The following DMGDH variants were observed in gnomAD, a reference collection of about 807,000 sequenced individuals.
The protein encoded by DMGDH is dimethylglycine dehydrogenase.
A neutral mutation model predicts 95.2 loss-of-function variants in DMGDH; 76 were observed. That is an observed-to-expected ratio of 0.80 (90% CI 0.66 to 0.97). DMGDH has a LOEUF of 0.97. DMGDH is among the 50% of genes least tolerant of loss of function. The pLI is 0.00. For synonymous variants in DMGDH, 345 were observed against 377.6 expected, an observed-to-expected ratio of 0.91 and a Z score of 1.00; for missense variants, 987 against 1,055.0, an observed-to-expected ratio of 0.94 and a Z score of 0.89.
intron 7 of DMGDH, among the ~76,000 whole-genome samples, chr5:79,035,882 A>G (rs1451373081): frequency 6.6e-6 from 1 of 152,230 alleles, no homozygotes; most frequent in African/African-American, 2.4e-5. Flanking sequence ...TGTAAAACCA[A>G]TCCCTTTTCT....
At chr5:79,048,018 T>C (rs893034202) in intron 5 of DMGDH, among the ~76,000 whole-genome samples, 4 of 152,188 alleles carry the variant, frequency 2.6e-5, no homozygotes, top group Non-Finnish European at 5.9e-5. Context: ...TGCTAGTAAA[T>C]TGGAAAAGAA....
intron 14 of DMGDH, among the ~76,000 whole-genome samples, chr5:79,020,389 T>C (rs898257990): frequency 3.9e-5 from 6 of 152,236 alleles, no homozygotes; most frequent in East Asian, 3.8e-4. Flanking sequence ...CCAAAGAGAA[T>C]TGGATGCTTT....
At chr5:79,037,623 G>T (rs1181951570) in intron 7 of DMGDH, among the ~76,000 whole-genome samples, 1 of 152,088 alleles carries the variant, frequency 6.6e-6, no homozygotes, top group Non-Finnish European at 1.5e-5. Context: ...GAGCAATCAG[G>T]GGAGGAGTCT....
At chr5:79,003,146 G>A (rs1288149744) in intron 15 of DMGDH, among the ~76,000 whole-genome samples, 4 of 152,210 alleles carry the variant, frequency 2.6e-5, no homozygotes, top group Non-Finnish European at 4.4e-5. Context: ...CAGAAGGTTG[G>A]TGGAAGGGTA....
In DMGDH at chr5:79,032,809, C is replaced by T. The variant is rs774921876; in HGVS notation, c.1395G>A (p.Gly465=). 1 of 1,614,146 alleles carries T rather than the reference C, an allele frequency of 6.2e-7. No individual in the cohort carries two copies. The highest frequency in any genetic ancestry group is 8.5e-7 in the Non-Finnish European group (1 of 1,180,030). ...VGYPKEERFA[G]RPTQRVSGLY... is the part of the protein sequence containing the mutation. ...GCCCACTGACTCGTTGAGTCGGCCT[C>T]CCAGCAAACCGTTCTTCTTTAGGAT... Residue 465 remains glycine, a synonymous_variant, in exon 9 of 16, where the codon GGG becomes GGA. Coordinates refer to ENST00000255189, the MANE Select transcript of DMGDH (RefSeq NM_013391.3).
chr5:79,032,977 C>T, intron 8 of DMGDH, 137 bp from the exon 9 acceptor site: 3 of 1,139,886 alleles, frequency 2.6e-6, no homozygotes, highest in Non-Finnish European at 3.9e-6. Context: ...ATGAATGATT[C>T]ATGTAGAAAA....
At chr5:79,006,853 A>G (rs1673137) in intron 14 of DMGDH, among the ~76,000 whole-genome samples, 62,643 of 148,510 alleles carry the variant, frequency 0.42, 13,848 homozygotes, top group Admixed American at 0.48. Flanking sequence ...AGACCCCCCC[A>G]GTCCATTCCT....
At chr5:78,999,624 C>T (rs755482519) in intron 15 of DMGDH, among the ~76,000 whole-genome samples, 26 of 152,218 alleles carry the variant, frequency 1.7e-4, no homozygotes, top group African/African-American at 4.1e-4. Context: ...TGAGCCACCA[C>T]GCCCGGCTGT....
intron 15 of DMGDH, among the ~76,000 whole-genome samples, chr5:78,999,041 C>T (rs866261485): frequency 3.3e-5 from 5 of 152,178 alleles, no homozygotes; most frequent in South Asian, 2.1e-4. Context: ...CTCAAAATGG[C>T]TTCTCCTGGC....
intron 5 of DMGDH, among the ~76,000 whole-genome samples, chr5:79,048,167 C>A (rs187239716): frequency 7.9e-5 from 12 of 151,928 alleles, no homozygotes; most frequent in Admixed American, 7.9e-4. Flanking sequence ...TTACTGCTTT[C>A]TACCTGGTGA....
Position 79,033,452 on chromosome 5 carries a change from T to C in DMGDH, c.1194-44A>G, listed in dbSNP as rs746522071. On this transcript the variant is annotated intron_variant, in intron 7 of 15. Coordinates refer to ENST00000255189, the MANE Select transcript of DMGDH (RefSeq NM_013391.3). ...GAAAACCCATTACTAACACATGTAG[T>C]TTTCAAATGAAACATAATCAAACTA... is the stretch of plus-strand genomic sequence containing the variant. The C allele has an allele frequency of 3.1e-6, 5 of 1,608,302 alleles. No individual in the cohort carries two copies. In the African/African-American group the frequency reaches 6.7e-5, roughly 21 times the overall value.
chr5:79,039,284 A>G (rs1754434644), intron 7 of DMGDH, among the ~76,000 whole-genome samples: 1 of 152,146 alleles, frequency 6.6e-6, no homozygotes, highest in African/African-American at 2.4e-5. Context: ...CACTATTCAC[A>G]ATAGCAAAGA....
intron 5 of DMGDH, among the ~76,000 whole-genome samples, chr5:79,048,207 C>T (rs1754736243): frequency 6.6e-6 from 1 of 151,968 alleles, no homozygotes. Flanking sequence ...ACATTATTAG[C>T]TTATTTACTA....
intron 2 of DMGDH, among the ~76,000 whole-genome samples, chr5:79,059,888 T>C (rs1168903640): frequency 1.3e-5 from 2 of 152,204 alleles, no homozygotes; most frequent in Non-Finnish European, 2.9e-5. Flanking sequence ...CTGTATGTAA[T>C]ACAACACTCC....
intron 15 of DMGDH, among the ~76,000 whole-genome samples, chr5:79,003,055 C>T (rs1215503797): frequency 6.6e-6 from 1 of 152,148 alleles, no homozygotes; most frequent in Non-Finnish European, 1.5e-5. Flanking sequence ...TTTAAGGTGG[C>T]TAAAAATCAG....
intron 10 of DMGDH, 56 bp downstream of exon 10, chr5:79,030,777 A>T (rs1754144517): frequency 6.3e-7 from 1 of 1,584,920 alleles, no homozygotes; most frequent in South Asian, 1.1e-5. Flanking sequence ...AACATATGGG[A>T]TGAAGAATTA....
At chr5:79,019,014 A>T (rs1277969953) in intron 14 of DMGDH, among the ~76,000 whole-genome samples, 1 of 152,082 alleles carries the variant, frequency 6.6e-6, no homozygotes, top group Non-Finnish European at 1.5e-5. Flanking sequence ...AAAATGGGTA[A>T]CAGAATAAGG....
chr5:79,023,430 G>T (rs1209484091), intron 14 of DMGDH, among the ~76,000 whole-genome samples: 1 of 152,148 alleles, frequency 6.6e-6, no homozygotes, highest in Non-Finnish European at 1.5e-5. Context: ...GATGAGCTTG[G>T]CTGTAATAAA....
chr5:79,021,808 A>T, intron 14 of DMGDH: 1 of 989,310 alleles, frequency 1.0e-6, no homozygotes, highest in Non-Finnish European at 1.4e-6. Context: ...TTCAAGTCTG[A>T]TAAGCCCACT....
Sources: gnomAD v4.1 joint callset for allele counts (sites outside exome capture counted in the v4.1 genomes callset) on GRCh38, gnomAD v4.1.1 for gene constraint, MANE v1.5 for transcripts, NCBI Gene and HGNC (gene_info 2026-07-23, HGNC 2026-07-21) for gene names.